Variants in B3GALNT2 observed in about 807,000 individuals in gnomAD.
The protein encoded by B3GALNT2 is UDP-GalNAc:beta-1,3-N-acetylgalactosaminyltransferase 2.
B3GALNT2 carries 53 observed loss-of-function variants against 61.1 expected under a neutral mutation model. The observed-to-expected ratio is 0.87, with a 90% CI of 0.70 to 1.09. B3GALNT2 has a LOEUF of 1.09. B3GALNT2 is among the 50% of genes least tolerant of loss of function. The pLI is 0.00. For missense variants in B3GALNT2, 544 were observed against 623.0 expected (o/e 0.87, Z 1.35); for synonymous variants, 223 against 237.4 (o/e 0.94, Z 0.56).
At chr1:235,495,939 A>G (rs1324360684) in intron 1 of B3GALNT2, among the ~76,000 whole-genome samples, 1 of 152,260 alleles carries the variant, frequency 6.6e-6, no homozygotes, top group Non-Finnish European at 1.5e-5. Context: ...AGATCTTTCT[A>G]CTAGGATAGT....
rs532768784 is a variant in B3GALNT2 at position 235,447,909 on chromosome 1, C to T, written c.*2297G>A. On this transcript the variant is annotated 3_prime_UTR_variant, in exon 12 of 12. Coordinates refer to ENST00000366600, the MANE Select transcript of B3GALNT2 (RefSeq NM_152490.5). ...CTAATTACTTACTTGGGTAAAGTGA[C>T]TTGGGTAAAATGAAAGATACAGCCA... Among the ~76,000 whole-genome samples the T allele has an allele frequency of 9.2e-5, 14 of 152,160 alleles. No individual in the cohort carries two copies. Among genetic ancestry groups the T allele is most frequent in the Non-Finnish European group, 1.6e-4 (11 of 68,010 alleles).
intron 7 of B3GALNT2, among the ~76,000 whole-genome samples, chr1:235,461,549 C>T (rs1683435750): frequency 8.4e-6 from 1 of 119,746 alleles, no homozygotes; most frequent in Non-Finnish European, 1.6e-5. Context: ...TGGAGTCTCA[C>T]TCTGTCACCC....
intron 8 of B3GALNT2, among the ~76,000 whole-genome samples, chr1:235,457,265 G>C (rs1683210869): frequency 2.0e-5 from 3 of 152,108 alleles, no homozygotes; most frequent in Admixed American, 1.3e-4. Flanking sequence ...GGGCAACAGA[G>C]AAGAAAAGAA....
At chr1:235,444,408 T>G (rs756139754), downstream of B3GALNT2, among the ~76,000 whole-genome samples, 1 of 152,166 alleles carries the variant, frequency 6.6e-6, no homozygotes, top group African/African-American at 2.4e-5. Flanking sequence ...ATTTTTGATA[T>G]ATTTTTTTCA....
chr1:235,494,605 C>T, intron 2 of B3GALNT2, 76 bp downstream of exon 2: 2 of 1,473,886 alleles, frequency 1.4e-6, no homozygotes, highest in East Asian at 2.3e-5. Context: ...GACGGGCACA[C>T]ACCACCACGC....
intron 7 of B3GALNT2, among the ~76,000 whole-genome samples, chr1:235,461,783 G>A (rs1160363537): frequency 6.6e-6 from 1 of 152,092 alleles, no homozygotes; most frequent in East Asian, 1.9e-4. Flanking sequence ...CCAAAGTGCT[G>A]GGATTACAGG....
At chr1:235,494,863 T>G in intron 1 of B3GALNT2, 35 bp from the exon 2 acceptor site, 1 of 1,536,620 alleles carries the variant, frequency 6.5e-7, no homozygotes, top group Non-Finnish European at 8.9e-7. Context: ...AAATAAGTCA[T>G]GTATCAATTA....
chr1:235,471,259 T>C (rs191143943), intron 5 of B3GALNT2, among the ~76,000 whole-genome samples: 86 of 152,360 alleles, frequency 5.6e-4, no homozygotes, highest in African/African-American at 2.0e-3. Flanking sequence ...ACAGCCATTC[T>C]TCCTCATGTG....
chr1:235,481,740 G>A (rs897310422), intron 4 of B3GALNT2, among the ~76,000 whole-genome samples: 1 of 152,074 alleles, frequency 6.6e-6, no homozygotes, highest in Non-Finnish European at 1.5e-5. Flanking sequence ...GATACTCAGA[G>A]TACTGCTATT....
At chr1:235,469,885 T>C (rs1316500256) in intron 6 of B3GALNT2, among the ~76,000 whole-genome samples, 7 of 151,862 alleles carry the variant, frequency 4.6e-5, no homozygotes, top group Admixed American at 3.9e-4. Context: ...TTTTTATCTA[T>C]AGTAGTTTTT....
chr1:235,483,467 G>A (rs1196064509), intron 4 of B3GALNT2, among the ~76,000 whole-genome samples: 1 of 152,088 alleles, frequency 6.6e-6, no homozygotes, highest in Non-Finnish European at 1.5e-5. Context: ...GGCCTGGTGC[G>A]GTGCCTCACG....
At chr1:235,451,488 A>AAAAAAG (rs1441065503) in intron 11 of B3GALNT2, 1 of 151,874 alleles carries the variant, frequency 6.6e-6, no homozygotes, top group African/African-American at 2.4e-5. Context: ...AAAAAAAAAA[A>AAAAAAG]AAAAGACCGC....
chr1:235,452,163 C>A, intron 11 of B3GALNT2: 1 of 152,408 alleles, frequency 6.6e-6, no homozygotes, highest in Non-Finnish European at 1.5e-5. Flanking sequence ...CAGGCGCCCG[C>A]CACTATGCCT....
chr1:235,494,581 C>T (rs1278969208), intron 2 of B3GALNT2, 100 bp downstream of exon 2: 28 of 1,318,878 alleles, frequency 2.1e-5, no homozygotes, highest in Admixed American at 1.3e-4. Flanking sequence ...CTCAGCCTCC[C>T]CGGTAGCTGG....
Position 235,504,164 on chromosome 1 carries a change from C to G in B3GALNT2, c.89G>C (p.Cys30Ser). The change falls in exon 1 of 12, where the codon TGC (cysteine) becomes TCC (serine). Residue 30 changes from cysteine (C) to serine (S), a missense_variant. Cys to Ser is a moderately radical substitution (Grantham distance 112). Coordinates refer to ENST00000366600, the MANE Select transcript of B3GALNT2 (RefSeq NM_152490.5). ...WLRLRSPPPA[C>S]ASGAGPADQL... The stretch of plus-strand genomic sequence containing the variant: ...ACCTGCAGGGCCGGCCCCGGAGGCG[C>G]AGGCGGGCGGCGGGGAGCGCAGCCG... The G allele has an allele frequency of 7.7e-7, 1 of 1,294,698 alleles. No individual in the cohort carries two copies. Among genetic ancestry groups the G allele is most frequent in the Non-Finnish European group, 9.7e-7 (1 of 1,027,292 alleles). 80.2% of individuals were successfully genotyped at this position (1,294,698 alleles called of 1,614,324 possible). A position where few individuals can be genotyped will look rare whatever the true frequency, so the allele number is the denominator to read the frequency against.
Position 235,448,811 on chromosome 1 carries a change from T to C in B3GALNT2, c.*1395A>G, listed in dbSNP as rs139691464. 1.5e-6 allele frequency: 2 copies of C among 1,328,926 alleles called. No individual in the cohort carries two copies. The highest frequency in any genetic ancestry group is 1.4e-5 in the African/African-American group (1 of 69,404). The allele number at this position is 1,328,926 out of a possible 1,614,324, so 82.3% of individuals were successfully genotyped here. On this transcript the variant is annotated 3_prime_UTR_variant, in exon 12 of 12. Transcript: ENST00000366600. ...ACCACACTGCTTATCGTGTCTGGGG[T>C]TCACCGGAAATAAATGATTCACTGG...
chr1:235,476,263 T>C (rs1216941300), intron 5 of B3GALNT2, among the ~76,000 whole-genome samples: 2 of 151,904 alleles, frequency 1.3e-5, no homozygotes, highest in African/African-American at 4.8e-5. Context: ...TACAAAAAAT[T>C]AGCCAGGCGT....
intron 3 of B3GALNT2, among the ~76,000 whole-genome samples, chr1:235,487,406 T>A (rs113862862): frequency 0.044 from 6,702 of 152,242 alleles, 245 homozygotes; most frequent in African/African-American, 0.096. Context: ...TTCTAGGAAC[T>A]ATTATTCTAA....
chr1:235,448,705 A>AAAGTC lies in B3GALNT2; in HGVS notation c.*1496_*1500dup. The stretch of plus-strand genomic sequence containing the variant: ...GAGAAATCGAGCTGGAAAATGACCT[A>AAAGTC]AAGTCATTACAGTTTTATTCTGTGG... On this transcript the variant is annotated 3_prime_UTR_variant, in exon 12 of 12. Transcript: ENST00000366600. 3 of 1,614,066 alleles carry AAAGTC rather than the reference A, an allele frequency of 1.9e-6. No homozygotes were observed. Among genetic ancestry groups the AAAGTC allele is most frequent in the Non-Finnish European group, 2.5e-6 (3 of 1,179,928 alleles).
Sources: allele counts gnomAD v4.1 joint callset (sites outside exome capture counted in the v4.1 genomes callset), GRCh38; gene constraint gnomAD v4.1.1; transcripts MANE v1.5; gene names NCBI Gene and HGNC (gene_info 2026-07-23, HGNC 2026-07-21).